Variants in TFDP2 observed in about 807,000 individuals in gnomAD.
The protein encoded by TFDP2 is transcription factor Dp-2 (E2F dimerization partner 2).
TFDP2 carries 17 observed loss-of-function variants against 59.3 expected under a neutral mutation model. The observed-to-expected ratio is 0.29, with a 90% CI of 0.20 to 0.43. The LOEUF (loss-of-function observed/expected upper bound fraction) is 0.43, where lower values mean the gene tolerates loss of function less well. Ranked by LOEUF, TFDP2 falls within the 20% of genes least tolerant of loss-of-function variation. TFDP2 has a pLI of 1.00. For synonymous variants in TFDP2, 180 were observed against 194.7 expected (o/e 0.92, Z 0.63); for missense variants, 391 against 528.8 (o/e 0.74, Z 2.56).
At chr3:141,995,231 G>A (rs1943155650) in intron 4 of TFDP2, 90 bp from the exon 5 acceptor site, 1 of 1,137,358 alleles carries the variant, frequency 8.8e-7, no homozygotes, top group Non-Finnish European at 1.2e-6. Context: ...ACCTACATAT[G>A]AGGAAACCTT....
chr3:142,109,502 A>G (rs943664767), intron 1 of TFDP2, among the ~76,000 whole-genome samples: 2 of 152,154 alleles, frequency 1.3e-5, no homozygotes, highest in Middle Eastern at 3.4e-3. Context: ...CTAATTTTGT[A>G]TTTTTAGTAG....
chr3:142,142,813 C>T (rs959837768), intron 1 of TFDP2, among the ~76,000 whole-genome samples: 1 of 152,208 alleles, frequency 6.6e-6, no homozygotes, highest in Non-Finnish European at 1.5e-5. Flanking sequence ...CTACAGTTAA[C>T]TCATTTTCCA....
intron 3 of TFDP2, among the ~76,000 whole-genome samples, chr3:142,010,689 G>A (rs142412344): frequency 7.0e-4 from 105 of 149,722 alleles, no homozygotes; most frequent in Middle Eastern, 3.5e-3. Flanking sequence ...CAACCTACTC[G>A]TCTGACAAAG....
chr3:142,034,262 A>AT (rs1256171700), intron 3 of TFDP2, among the ~76,000 whole-genome samples: 3 of 151,150 alleles, frequency 2.0e-5, no homozygotes, highest in Admixed American at 6.6e-5. Flanking sequence ...CGCCTGGCTA[A>AT]TTTTTTTTGT....
At chr3:141,963,195 T>A (rs769841955) in intron 10 of TFDP2, among the ~76,000 whole-genome samples, 1 of 152,154 alleles carries the variant, frequency 6.6e-6, no homozygotes, top group Non-Finnish European at 1.5e-5. Flanking sequence ...TTTTCATGAA[T>A]GGTAAAATAC....
At chr3:141,959,121 T>G (rs1937051431) in intron 11 of TFDP2, among the ~76,000 whole-genome samples, 1 of 151,712 alleles carries the variant, frequency 6.6e-6, no homozygotes, top group Admixed American at 6.6e-5. Flanking sequence ...CCCGGCTAAT[T>G]TTTTGTATTT....
chr3:141,995,811 A>C (rs1310728984), intron 4 of TFDP2, among the ~76,000 whole-genome samples: 1 of 146,680 alleles, frequency 6.8e-6, no homozygotes, highest in African/African-American at 2.5e-5. Context: ...TGAACCTGGA[A>C]GGTGGAAGTT....
At chr3:141,975,114 A>T (rs1940428290) in intron 7 of TFDP2, among the ~76,000 whole-genome samples, 1 of 151,734 alleles carries the variant, frequency 6.6e-6, no homozygotes, top group Non-Finnish European at 1.5e-5. Context: ...GGGTTTCACC[A>T]TATTGGCCAG....
At chr3:141,990,946 T>C (rs191151516) in intron 6 of TFDP2, among the ~76,000 whole-genome samples, 2 of 152,204 alleles carry the variant, frequency 1.3e-5, no homozygotes, top group East Asian at 1.9e-4. Context: ...TAATCCCAGC[T>C]ACTTGGGAGG....
chr3:142,044,226 GTTTTTTTTTTTTTTTTT>G (rs142598439), intron 3 of TFDP2: 9 of 118,264 alleles, frequency 7.6e-5, no homozygotes, highest in Non-Finnish European at 1.3e-4. Context: ...CAGCAAAAGG[GTTTTTTTTTTTTTTTTT>G]TTTTTTTTTG....
intron 3 of TFDP2, among the ~76,000 whole-genome samples, chr3:142,022,776 T>C (rs531804910): frequency 4.0e-4 from 61 of 152,298 alleles, no homozygotes; most frequent in Non-Finnish European, 7.8e-4. Flanking sequence ...GAGATATTTT[T>C]CTAATATTTA....
chr3:142,110,881 A>G (rs895283524), intron 1 of TFDP2, among the ~76,000 whole-genome samples: 1 of 151,794 alleles, frequency 6.6e-6, no homozygotes, highest in Non-Finnish European at 1.5e-5. Context: ...TGAGCCCAGG[A>G]GGTAGAGGCT....
intron 1 of TFDP2, among the ~76,000 whole-genome samples, chr3:142,143,947 C>T (rs1247739759): frequency 6.6e-6 from 1 of 152,190 alleles, no homozygotes; most frequent in Admixed American, 6.5e-5. Flanking sequence ...GAGATATCTG[C>T]ATTCCTATGT....
At chr3:142,107,216 ATTTTC>A (rs2061502307) in intron 1 of TFDP2, among the ~76,000 whole-genome samples, 1 of 149,318 alleles carries the variant, frequency 6.7e-6, no homozygotes, top group South Asian at 2.1e-4. Flanking sequence ...ATTAGAAGAT[ATTTTC>A]TTTTTTTTCT....
intron 2 of TFDP2, 32 bp from the exon 3 acceptor site, chr3:142,093,159 G>T (rs1304709118): frequency 2.7e-6 from 4 of 1,460,918 alleles, no homozygotes; most frequent in East Asian, 2.5e-5. Flanking sequence ...GTTAAAAATA[G>T]AATATTAAGT....
At chr3:142,044,046 G>A in intron 3 of TFDP2, 1 of 658,024 alleles carries the variant, frequency 1.5e-6, no homozygotes, top group South Asian at 1.6e-5. Flanking sequence ...CAGGCTTGCT[G>A]ATGATCAGCT....
chr3:141,985,214 G>T (rs1250095753), intron 6 of TFDP2, among the ~76,000 whole-genome samples: 1 of 152,008 alleles, frequency 6.6e-6, no homozygotes, highest in South Asian at 2.1e-4. Flanking sequence ...CTGTAAAAAT[G>T]TTATAAAAAT....
At chr3:142,005,290 C>T (rs780168607) in intron 4 of TFDP2, 151 bp downstream of exon 4, 5 of 539,816 alleles carry the variant, frequency 9.3e-6, no homozygotes, top group South Asian at 2.3e-5. Flanking sequence ...CCACCTGCCT[C>T]GGCCTCCCAA....
At chr3:142,069,204 G>A (rs993629513) in intron 3 of TFDP2, among the ~76,000 whole-genome samples, 4 of 151,976 alleles carry the variant, frequency 2.6e-5, no homozygotes, top group African/African-American at 4.8e-5. Context: ...GTGAGACACC[G>A]CGCGCGGTTT....
Sources: gnomAD v4.1 joint callset for allele counts (sites outside exome capture counted in the v4.1 genomes callset) on GRCh38, gnomAD v4.1.1 for gene constraint, MANE v1.5 for transcripts, NCBI Gene and HGNC (gene_info 2026-07-23, HGNC 2026-07-21) for gene names.